The following DYRK3 variants were observed in gnomAD, a reference collection of about 807,000 sequenced individuals.
DYRK3 encodes the protein dual specificity tyrosine-phosphorylation-regulated kinase 3.
Under a neutral mutation model 40.8 loss-of-function variants are expected in DYRK3, and 30 were observed. The observed-to-expected ratio is 0.74, with a 90% confidence interval of 0.55 to 1.00. The LOEUF (loss-of-function observed/expected upper bound fraction) is 1.00, where lower values mean the gene tolerates loss of function less well. Ranked by LOEUF, DYRK3 falls within the 50% of genes least tolerant of loss-of-function variation. The probability of loss-of-function intolerance (pLI) is 0.00; values close to 1 mark genes in which losing one functional copy is unlikely to be tolerated. For missense variants in DYRK3, 699 were observed against 731.5 expected (o/e 0.96, Z 0.51); for synonymous variants, 272 against 260.7 (o/e 1.04, Z -0.42).
rs11803762 is a variant in DYRK3, at chr1:206,649,472, G to C, written c.*507G>C. The stretch of plus-strand genomic sequence containing the variant: ...TGGGGTGGGGGAGCACCAGGAAGCT[G>C]TTGGTGACCTGGACAACTGGTGTCC... On this transcript the variant is annotated 3_prime_UTR_variant, in exon 3 of 3. Coordinates refer to ENST00000367109, the MANE Select transcript of DYRK3 (RefSeq NM_003582.4). 6.0e-3 allele frequency among the ~76,000 whole-genome samples: 907 copies of C among 152,322 alleles called. 13 individuals are homozygous for C. Among genetic ancestry groups the C allele is most frequent in the African/African-American group, 0.02 (847 of 41,576 alleles).
intron 2 of DYRK3, among the ~76,000 whole-genome samples, chr1:206,642,843 G>A (rs1383446235): frequency 6.6e-6 from 1 of 152,040 alleles, no homozygotes; most frequent in Non-Finnish European, 1.5e-5. Context: ...GTTAATGGGT[G>A]TAGCACACCA....
At chr1:206,636,160 G>T (rs373906046) in intron 1 of DYRK3, 7 of 960,192 alleles carry the variant, frequency 7.3e-6, no homozygotes, top group Admixed American at 1.9e-5. Flanking sequence ...TGCTTAGAGC[G>T]GATAACCAAC....
At chr1:206,642,312 C>T (rs1248144110) in intron 2 of DYRK3, among the ~76,000 whole-genome samples, 5 of 144,642 alleles carry the variant, frequency 3.5e-5, no homozygotes, top group African/African-American at 5.5e-5. Context: ...GAAATAGGAA[C>T]GCTTTTACAC....
Position 206,652,971 on chromosome 1 carries a change from T to C in DYRK3, c.*4006T>C, listed in dbSNP as rs1671669159. Among the ~76,000 whole-genome samples, 1 of 152,230 alleles carries C rather than the reference T, an allele frequency of 6.6e-6. No individual in the cohort carries two copies. The highest frequency in any genetic ancestry group is 6.5e-5 in the Admixed American group (1 of 15,282). On this transcript the variant is annotated 3_prime_UTR_variant, in exon 3 of 3. Coordinates refer to ENST00000367109, the MANE Select transcript of DYRK3 (RefSeq NM_003582.4). ...AATTTCCAAGTTGTTTCTGACACGG[T>C]GAGAGTTGGGTTAGAATTTTTATTT...
intron 2 of DYRK3, among the ~76,000 whole-genome samples, chr1:206,642,607 G>A (rs1671322253): frequency 6.6e-6 from 1 of 152,168 alleles, no homozygotes; most frequent in African/African-American, 2.4e-5. Context: ...CCATAAAAAA[G>A]GATGAGTTCA....
chr1:206,639,365 C>G (rs1671210867), intron 2 of DYRK3, among the ~76,000 whole-genome samples: 1 of 151,976 alleles, frequency 6.6e-6, no homozygotes, highest in South Asian at 2.1e-4. Context: ...TGTTGCCCAT[C>G]AGATTGCTTG....
Position 206,654,000 on chromosome 1 carries a change from T to C in DYRK3, c.*5035T>C, listed in dbSNP as rs1671695121. On this transcript the variant is annotated 3_prime_UTR_variant, in exon 3 of 3. Transcript: ENST00000367109. ...TGAAACTATTTCAATCTGTAGCAGC[T>C]GGTCATGTTAAAACACTTTCTGTTT... is the stretch of plus-strand genomic sequence containing the variant. 6.6e-6 allele frequency among the ~76,000 whole-genome samples: 1 copy of C among 152,264 alleles called. No homozygotes were observed. The highest frequency in any genetic ancestry group is 1.5e-5 in the Non-Finnish European group (1 of 68,048).
At chr1:206,636,118 C>G (rs200935221) in intron 1 of DYRK3, 1 of 1,337,284 alleles carries the variant, frequency 7.5e-7, no homozygotes, top group Non-Finnish European at 1.0e-6. Flanking sequence ...AGGGGGGGAG[C>G]CCGGGAGCAA....
rs1331875837 is a variant in DYRK3 at position 206,651,363 on chromosome 1, G to A, written c.*2398G>A. Reference sequence around the variant, plus strand: ...GCAGGTGCTAAATCATCATGGCCAGGAAGATGAAACACCTTGAGAAATGGG... The same window carrying A: ...GCAGGTGCTAAATCATCATGGCCAGAAAGATGAAACACCTTGAGAAATGGG... On this transcript the variant is annotated 3_prime_UTR_variant, in exon 3 of 3. Coordinates refer to ENST00000367109, the MANE Select transcript of DYRK3 (RefSeq NM_003582.4). Among the ~76,000 whole-genome samples, 1 of 152,198 alleles carries A rather than the reference G, an allele frequency of 6.6e-6. No individual in the cohort carries two copies. The highest frequency in any genetic ancestry group is 1.5e-5 in the Non-Finnish European group (1 of 68,032).
Position 206,654,786 on chromosome 1 carries a change from T to C in DYRK3, c.*5821T>C, listed in dbSNP as rs969670592. Among the ~76,000 whole-genome samples the C allele has an allele frequency of 1.3e-5, 2 of 152,226 alleles. No individual in the cohort carries two copies. Among genetic ancestry groups the C allele is most frequent in the African/African-American group, 2.4e-5 (1 of 41,464 alleles). On this transcript the variant is annotated 3_prime_UTR_variant, in exon 3 of 3. Transcript: ENST00000367109. ...AACTACAAATGCATCGTCTAGACTTTGAAGAAGCAGGGTATGATTCTTAAT... is the reference window on the plus strand; with the variant it reads ...AACTACAAATGCATCGTCTAGACTTCGAAGAAGCAGGGTATGATTCTTAAT...
Position 206,635,758 on chromosome 1 carries a change from G to T in DYRK3, c.55G>T (p.Gly19Trp). 1 of 1,244,672 alleles carries T rather than the reference G, an allele frequency of 8.0e-7. No individual in the cohort carries two copies. 77.1% of individuals were successfully genotyped at this position (1,244,672 alleles called of 1,614,324 possible). A position where few individuals can be genotyped will look rare whatever the true frequency, so the allele number is the denominator to read the frequency against. Residue 19 changes from glycine (G) to tryptophan (W), a missense_variant, in exon 1 of 3, where the codon GGG becomes TGG. By Grantham distance (184) the Gly-to-Trp change is radical. Transcript: ENST00000367109. ...GRKDAGPPGA[G>W]LPPQQRRLGD... ...GAAGGATGCGGGGCCGCCTGGGGCC[G>T]GGCTCCCGCCCCAGCAGCGGAGGTA... is the stretch of plus-strand genomic sequence containing the variant.
chr1:206,654,681 A>G lies in DYRK3; in HGVS notation c.*5716A>G, dbSNP rs903011299. ...GCTAATTTCAATGAGAAAAGATTTT[A>G]GAGTCACAGTGAACCCATCCATAAA... On this transcript the variant is annotated 3_prime_UTR_variant, in exon 3 of 3. Transcript: ENST00000367109. Among the ~76,000 whole-genome samples the G allele has an allele frequency of 5.3e-5, 8 of 152,210 alleles. No homozygotes were observed. Among genetic ancestry groups the G allele is most frequent in the Admixed American group, 1.3e-4 (2 of 15,280 alleles).
In DYRK3 at chr1:206,648,502, A is replaced by G; in HGVS notation, c.1304A>G (p.Gln435Arg). The G allele has an allele frequency of 6.2e-7, 1 of 1,614,204 alleles. No individual in the cohort carries two copies. The highest frequency in any genetic ancestry group is 8.5e-7 in the Non-Finnish European group (1 of 1,180,042). ...LGMPPPKLLE[Q>R]SKRAKYFINS... is the part of the protein sequence containing the mutation. ...ATGCCACCACCAAAACTTCTGGAGC[A>G]ATCCAAACGTGCCAAGTACTTTATT... The change falls in exon 3 of 3, where the codon CAA becomes CGA. Residue 435 changes from glutamine to arginine, a missense_variant. Physicochemically the swap from Gln to Arg is conservative, Grantham distance 43 (BLOSUM62 1). Transcript: ENST00000367109.
rs782146383 is a variant in DYRK3, at chr1:206,648,784, C to A, written c.1586C>A (p.Pro529His). Reference sequence around the variant, plus strand: ...TGGATTAGCAAGTCTGTCCCCAGACCTCTCACCACCATAGACAAGGTGTCA... The same window carrying A: ...TGGATTAGCAAGTCTGTCCCCAGACATCTCACCACCATAGACAAGGTGTCA... Reference protein sequence around the residue: ...HPWISKSVPRPLTTIDKVSGK... With the variant: ...HPWISKSVPRHLTTIDKVSGK... The change falls in exon 3 of 3, where the codon CCT becomes CAT. Residue 529 changes from proline to histidine, a missense_variant. By Grantham distance (77) the Pro-to-His change is moderately conservative. Transcript: ENST00000367109. 1 of 1,614,220 alleles carries A rather than the reference C, an allele frequency of 6.2e-7. No homozygotes were observed. The highest frequency in any genetic ancestry group is 8.5e-7 in the Non-Finnish European group (1 of 1,180,038).
rs1671597084 is a variant in DYRK3, at chr1:206,650,233, C to T, written c.*1268C>T. 1.3e-5 allele frequency among the ~76,000 whole-genome samples: 2 copies of T among 152,214 alleles called. No individual in the cohort carries two copies. The highest frequency in any genetic ancestry group is 2.9e-5 in the Non-Finnish European group (2 of 68,038). On this transcript the variant is annotated 3_prime_UTR_variant, in exon 3 of 3. Transcript: ENST00000367109. The stretch of plus-strand genomic sequence containing the variant: ...TTCCTGTCCCTTGCTCTATTTCTGT[C>T]CTCTTCCAGAACAAAAGTATGCTCA...
chr1:206,642,225 TG>T lies in DYRK3; in HGVS notation c.189+4465del, dbSNP rs1381323414. On this transcript the variant is annotated intron_variant, in intron 2 of 2. Transcript: ENST00000367109. ...AGAGAAATGCAGATCAAAACCACAATGAGATACCATCTCACACCAGTTAGAA... is the reference window on the plus strand; with the variant it reads ...AGAGAAATGCAGATCAAAACCACAATAGATACCATCTCACACCAGTTAGAA... Among the ~76,000 whole-genome samples the T allele has an allele frequency of 9.3e-5, 14 of 150,564 alleles. 1 individual carries two copies. In the East Asian group the frequency reaches 2.8e-3, roughly 30 times the overall value.
At chr1:206,640,896 T>C (rs1671270838) in intron 2 of DYRK3, among the ~76,000 whole-genome samples, 1 of 152,210 alleles carries the variant, frequency 6.6e-6, no homozygotes, top group Non-Finnish European at 1.5e-5. Flanking sequence ...GAAGATTCTA[T>C]TTAAAATGCC....
chr1:206,649,813 T>G lies in DYRK3; in HGVS notation c.*848T>G, dbSNP rs569955974. Among the ~76,000 whole-genome samples the G allele has an allele frequency of 4.5e-4, 68 of 152,328 alleles. No individual in the cohort carries two copies. Among genetic ancestry groups the G allele is most frequent in the African/African-American group, 1.5e-3 (64 of 41,568 alleles). ...GTGGTACTCCACGGACCAGCCTCCTTGCTGCATTTTCATAGAATCTCTTCC... is the reference window on the plus strand; with the variant it reads ...GTGGTACTCCACGGACCAGCCTCCTGGCTGCATTTTCATAGAATCTCTTCC... On this transcript the variant is annotated 3_prime_UTR_variant, in exon 3 of 3. Transcript: ENST00000367109.
Position 206,648,434 on chromosome 1 carries a change from G to A in DYRK3, c.1236G>A (p.Glu412=). The change falls in exon 3 of 3, where the codon GAG becomes GAA. Residue 412 remains glutamate (E), a synonymous_variant. Transcript: ENST00000367109. ...LLTGQPLFPG[E]DEGDQLACMM... is the part of the protein sequence containing the mutation. ...CAGGACAGCCTCTCTTCCCTGGAGA[G>A]GATGAAGGAGACCAGTTGGCCTGCA... 1.2e-6 allele frequency: 2 copies of A among 1,614,190 alleles called. No individual in the cohort carries two copies. The highest frequency in any genetic ancestry group is 2.2e-5 in the East Asian group (1 of 44,892).
Sources: allele counts gnomAD v4.1 joint callset (sites outside exome capture counted in the v4.1 genomes callset), GRCh38; gene constraint gnomAD v4.1.1; transcripts MANE v1.5; gene names NCBI Gene and HGNC (gene_info 2026-07-23, HGNC 2026-07-21).